SGCZ: variants seen among roughly 807,000 people sequenced by gnomAD.
SGCZ encodes the protein sarcoglycan zeta.
Under a neutral mutation model 41.3 loss-of-function variants are expected in SGCZ, and 40 were observed. The observed-to-expected ratio is 0.97, with a 90% confidence interval of 0.75 to 1.26. The LOEUF (loss-of-function observed/expected upper bound fraction) is 1.26. Ranked by LOEUF, SGCZ falls within the 50% of genes most tolerant of loss-of-function variation. The pLI is 0.00. For missense variants in SGCZ, 552 were observed against 369.8 expected (o/e 1.49, Z -4.04); for synonymous variants, 206 against 137.5 (o/e 1.50, Z -3.49).
intron 1 of SGCZ, among the ~76,000 whole-genome samples, chr8:14,797,884 G>A (rs536540596): frequency 6.6e-5 from 10 of 152,256 alleles, no homozygotes; most frequent in Non-Finnish European, 1.5e-4. Flanking sequence ...AAAACCCCAA[G>A]CCTTGGCAGT....
intron 1 of SGCZ, among the ~76,000 whole-genome samples, chr8:15,151,500 G>A (rs1206234757): frequency 6.6e-6 from 1 of 152,124 alleles, no homozygotes; most frequent in Non-Finnish European, 1.5e-5. Context: ...AATGAATGAG[G>A]TTGAAAATGT....
chr8:15,142,845 C>A (rs1386242796), intron 1 of SGCZ, among the ~76,000 whole-genome samples: 3 of 152,060 alleles, frequency 2.0e-5, no homozygotes, highest in Non-Finnish European at 4.4e-5. Flanking sequence ...TCCTGGCTCA[C>A]CCAATCCACC....
At chr8:14,713,317 T>A (rs1810133293) in intron 1 of SGCZ, among the ~76,000 whole-genome samples, 1 of 152,204 alleles carries the variant, frequency 6.6e-6, no homozygotes, top group South Asian at 2.1e-4. Flanking sequence ...TTTCATCCAT[T>A]GTTTAAAGTA....
At chr8:14,674,977 C>T (rs61417200) in intron 1 of SGCZ, among the ~76,000 whole-genome samples, 23,683 of 111,452 alleles carry the variant, frequency 0.21, 3,085 homozygotes, top group East Asian at 0.5. Flanking sequence ...CTCCCTCTGT[C>T]GTCCAGGCTG....
At chr8:15,078,934 T>C (rs561503217) in intron 1 of SGCZ, among the ~76,000 whole-genome samples, 2 of 152,260 alleles carry the variant, frequency 1.3e-5, no homozygotes, top group South Asian at 2.1e-4. Context: ...CTCAACTTTA[T>C]GGATTATACC....
intron 4 of SGCZ, among the ~76,000 whole-genome samples, chr8:14,184,555 G>C (rs975193726): frequency 6.6e-6 from 1 of 152,140 alleles, no homozygotes; most frequent in Non-Finnish European, 1.5e-5. Context: ...ACTAAACACT[G>C]TACAGAGCTG....
intron 2 of SGCZ, among the ~76,000 whole-genome samples, chr8:14,390,017 G>C (rs1804713179): frequency 6.6e-6 from 1 of 151,844 alleles, no homozygotes; most frequent in Non-Finnish European, 1.5e-5. Context: ...CTTCCTGCAA[G>C]ACTGAAGAAA....
intron 1 of SGCZ, among the ~76,000 whole-genome samples, chr8:14,687,168 A>AT (rs1296773859): frequency 7.1e-4 from 99 of 138,976 alleles, no homozygotes; most frequent in Non-Finnish European, 9.5e-4. Context: ...TAAAGAAAAA[A>AT]AAAATATATA....
At chr8:14,337,213 G>T (rs2117067464) in intron 2 of SGCZ, among the ~76,000 whole-genome samples, 1 of 152,126 alleles carries the variant, frequency 6.6e-6, no homozygotes, top group East Asian at 1.9e-4. Flanking sequence ...GTCTGCAATT[G>T]TCCCCTTCCT....
In SGCZ at chr8:14,988,540, A is replaced by C. The variant is rs183323279; in HGVS notation, c.39+249045T>G. On this transcript the variant is annotated intron_variant, in intron 1 of 7. Transcript: ENST00000382080. ...ATAGTGTTTTCCTTCCCTTTACTAT[A>C]AGGTAGAAATGATTATATTTCAAAT... 5.2e-3 allele frequency among the ~76,000 whole-genome samples: 791 copies of C among 152,142 alleles called. 6 individuals are homozygous for C. Among genetic ancestry groups the C allele is most frequent in the Non-Finnish European group, 5.3e-3 (362 of 67,960 alleles).
chr8:14,738,155 G>C (rs1799101698), intron 1 of SGCZ, among the ~76,000 whole-genome samples: 2 of 151,884 alleles, frequency 1.3e-5, no homozygotes, highest in African/African-American at 4.8e-5. Context: ...AAATTTCTTT[G>C]GGATCTCTAC....
chr8:14,221,306 C>G (rs1806187004), intron 4 of SGCZ, among the ~76,000 whole-genome samples: 1 of 152,140 alleles, frequency 6.6e-6, no homozygotes, highest in South Asian at 2.1e-4. Flanking sequence ...CTAAAAGCTT[C>G]CTTTGCCCTT....
At chr8:14,474,036 G>T (rs1167845471) in intron 2 of SGCZ, among the ~76,000 whole-genome samples, 1 of 152,134 alleles carries the variant, frequency 6.6e-6, no homozygotes, top group Non-Finnish European at 1.5e-5. Flanking sequence ...CATTCTGTGG[G>T]AGGACAAGAT....
At chr8:14,221,088 A>G (rs567215195) in intron 4 of SGCZ, among the ~76,000 whole-genome samples, 1 of 152,274 alleles carries the variant, frequency 6.6e-6, no homozygotes, top group African/African-American at 2.4e-5. Context: ...GCCTTGACGG[A>G]AAAAAATGCC....
At chr8:15,192,041 T>C (rs1189198188) in intron 1 of SGCZ, among the ~76,000 whole-genome samples, 1 of 152,100 alleles carries the variant, frequency 6.6e-6, no homozygotes, top group Non-Finnish European at 1.5e-5. Flanking sequence ...TGAGTTAATA[T>C]TTAGCACTTC....
intron 1 of SGCZ, among the ~76,000 whole-genome samples, chr8:14,978,247 C>T (rs968720422): frequency 4.6e-5 from 7 of 151,488 alleles, no homozygotes; most frequent in African/African-American, 1.7e-4. Context: ...GGGGGTGGAT[C>T]ACCTGAGGTC....
intron 3 of SGCZ, among the ~76,000 whole-genome samples, chr8:14,269,815 T>C (rs548428055): frequency 3.3e-4 from 51 of 152,280 alleles, no homozygotes; most frequent in African/African-American, 1.2e-3. Context: ...GGGTCAACAG[T>C]CTGCATACGT....
intron 2 of SGCZ, among the ~76,000 whole-genome samples, chr8:14,403,593 A>G (rs1320697846): frequency 2.0e-5 from 3 of 152,094 alleles, no homozygotes; most frequent in South Asian, 2.1e-4. Flanking sequence ...GATTACATTT[A>G]TTGATTCGCG....
At chr8:14,986,740 C>T (rs188820139) in intron 1 of SGCZ, among the ~76,000 whole-genome samples, 1,641 of 152,078 alleles carry the variant, frequency 0.011, 16 homozygotes, top group Non-Finnish European at 0.015. Context: ...TGACCTGGTT[C>T]TTCTCCATGT....
Sources: gnomAD v4.1 joint callset for allele counts (sites outside exome capture counted in the v4.1 genomes callset) on GRCh38, gnomAD v4.1.1 for gene constraint, MANE v1.5 for transcripts, NCBI Gene and HGNC (gene_info 2026-07-23, HGNC 2026-07-21) for gene names.